Variants in ZMYND8 observed in about 807,000 individuals in gnomAD.
ZMYND8 encodes MYND-type zinc finger-containing chromatin reader ZMYND8.
ZMYND8 carries 37 observed loss-of-function variants against 140.8 expected under a neutral mutation model. The observed-to-expected ratio is 0.26, with a 90% confidence interval of 0.20 to 0.35. The LOEUF (loss-of-function observed/expected upper bound fraction) is 0.35, where lower values mean the gene tolerates loss of function less well. Ranked by LOEUF, ZMYND8 falls within the 10% of genes least tolerant of loss-of-function variation. The pLI is 1.00. For missense variants in ZMYND8, 1,068 were observed against 1,570.0 expected, an observed-to-expected ratio of 0.68 and a Z score of 5.40; for synonymous variants, 592 against 597.1, an observed-to-expected ratio of 0.99 and a Z score of 0.12.
Position 47,347,930 on chromosome 20 carries a change from A to C in ZMYND8, c.15-4T>G, listed in dbSNP as rs530249898. On this transcript the variant is annotated splice_region_variant and splice_polypyrimidine_tract_variant and intron_variant, in intron 1 of 22. Transcript: ENST00000471951. ...TTTTATTTCCTCTTCAGCCAAGCTGAAACAGAGCAAATTATGTTCATGTTT... is the reference window on the plus strand; with the variant it reads ...TTTTATTTCCTCTTCAGCCAAGCTGCAACAGAGCAAATTATGTTCATGTTT... The C allele has an allele frequency of 3.7e-6, 6 of 1,613,734 alleles. No individual in the cohort carries two copies. Among genetic ancestry groups the C allele is most frequent in the Admixed American group, 1.7e-5 (1 of 60,032 alleles).
chr20:47,343,786 C>G (rs2082112291), intron 2 of ZMYND8, among the ~76,000 whole-genome samples: 1 of 150,828 alleles, frequency 6.6e-6, no homozygotes, highest in Non-Finnish European at 1.5e-5. Flanking sequence ...CATGAGCCAC[C>G]ACATCCAGCC....
At chr20:47,262,611 C>T (rs2075237147) in intron 11 of ZMYND8, among the ~76,000 whole-genome samples, 183 bp from the exon 12 acceptor site, 1 of 152,136 alleles carries the variant, frequency 6.6e-6, no homozygotes, top group African/African-American at 2.4e-5. Flanking sequence ...CAGCAAAGGG[C>T]TTTAACCGGA....
chr20:47,246,445 T>C lies in ZMYND8; in HGVS notation c.1847A>G (p.Asp616Gly). 1.2e-6 allele frequency: 2 copies of C among 1,614,002 alleles called. No individual in the cohort carries two copies. The highest frequency in any genetic ancestry group is 1.6e-4 in the Middle Eastern group (1 of 6,062). ...HSDSEDSEKS[D>G]SSDSEYISDD... is the part of the protein sequence containing the mutation. The stretch of plus-strand genomic sequence containing the variant: ...ACTGATATACTCACTATCGCTACTA[T>C]CTGACTTCTCAGAATCCTCCGAATC... The change falls in exon 14 of 23, where the codon GAT becomes GGT. Residue 616 changes from aspartate to glycine, a missense_variant. This residue lies in a region of ZMYND8 where 383 missense variants were observed against 431.2 expected (regional missense o/e 0.89). Coordinates refer to ENST00000471951, the MANE Select transcript of ZMYND8 (RefSeq NM_001281775.3).
At chr20:47,215,378 CTAATAATAA>C (rs150425292) in intron 21 of ZMYND8, among the ~76,000 whole-genome samples, 1 of 151,530 alleles carries the variant, frequency 6.6e-6, no homozygotes, top group Non-Finnish European at 1.5e-5. Flanking sequence ...ATCTCAAATA[CTAATAATAA>C]TAATAATAAA....
intron 5 of ZMYND8, among the ~76,000 whole-genome samples, chr20:47,293,714 CA>C (rs2148005845): frequency 6.6e-6 from 1 of 152,312 alleles, no homozygotes; most frequent in African/African-American, 2.4e-5. Context: ...ACTTTGCAAC[CA>C]GTCAGAATTT....
At chr20:47,325,626 C>A (rs894479674) in intron 2 of ZMYND8, among the ~76,000 whole-genome samples, 3 of 152,168 alleles carry the variant, frequency 2.0e-5, no homozygotes, top group Non-Finnish European at 2.9e-5. Context: ...CCTAAAGAAC[C>A]CATTTCCCCC....
intron 12 of ZMYND8, 88 bp from the exon 13 acceptor site, chr20:47,249,527 A>C (rs1174158180): frequency 5.3e-6 from 8 of 1,519,042 alleles, no homozygotes; most frequent in Non-Finnish European, 6.2e-6. Context: ...AGCAAAACAC[A>C]CATTTTAGAA....
At chr20:47,313,392 G>A (rs750894789) in intron 2 of ZMYND8, among the ~76,000 whole-genome samples, 129 of 152,200 alleles carry the variant, frequency 8.5e-4, no homozygotes, top group Non-Finnish European at 1.7e-3. Flanking sequence ...GGAGGCCAAG[G>A]CGGGCGGATT....
chr20:47,326,966 A>T (rs955526089), intron 2 of ZMYND8, among the ~76,000 whole-genome samples: 1 of 152,168 alleles, frequency 6.6e-6, no homozygotes, highest in African/African-American at 2.4e-5. Context: ...CCTGGTTTGA[A>T]GTGACTGTAC....
At chr20:47,230,015 G>A (rs942414418) in intron 16 of ZMYND8, among the ~76,000 whole-genome samples, 3 of 152,148 alleles carry the variant, frequency 2.0e-5, no homozygotes, top group Non-Finnish European at 2.9e-5. Context: ...TCGAGGCAGG[G>A]ACACTGCTAA....
At chr20:47,215,263 C>T (rs1230356367) in intron 21 of ZMYND8, among the ~76,000 whole-genome samples, 1 of 152,066 alleles carries the variant, frequency 6.6e-6, no homozygotes, top group Non-Finnish European at 1.5e-5. Context: ...ATCTCAGCTG[C>T]TCAGGAGGCT....
Position 47,250,406 on chromosome 20 carries a change from G to A in ZMYND8, c.1622-967C>T, listed in dbSNP as rs148550238. On this transcript the variant is annotated intron_variant, in intron 12 of 22. Coordinates refer to ENST00000471951, the MANE Select transcript of ZMYND8 (RefSeq NM_001281775.3). ...GCATCCCCTCCAACCCACCCAAAGC[G>A]AGTGTGAGGCATCTGTCCTACTCCG... Among the ~76,000 whole-genome samples the A allele has an allele frequency of 4.9e-3, 740 of 152,268 alleles. 4 individuals are homozygous for A. Among genetic ancestry groups the A allele is most frequent in the African/African-American group, 0.017 (690 of 41,534 alleles).
At chr20:47,324,624 C>A (rs2080261063) in intron 2 of ZMYND8, among the ~76,000 whole-genome samples, 1 of 152,144 alleles carries the variant, frequency 6.6e-6, no homozygotes, top group African/African-American at 2.4e-5. Flanking sequence ...CCTGCAGTGC[C>A]CCTGGTGACC....
At chr20:47,314,855 TCAGGGCCTCAC>T (rs1267165669) in intron 2 of ZMYND8, among the ~76,000 whole-genome samples, 1 of 152,172 alleles carries the variant, frequency 6.6e-6, no homozygotes, top group Non-Finnish European at 1.5e-5. Flanking sequence ...TCTCAGGGCC[TCAGGGCCTCAC>T]CTGCAAAATG....
chr20:47,348,171 G>T, intron 1 of ZMYND8: 1 of 516,844 alleles, frequency 1.9e-6, no homozygotes, highest in Non-Finnish European at 3.5e-6. Context: ...CATGCTATTG[G>T]GGAATGCAAA....
intron 1 of ZMYND8, chr20:47,351,648 A>AT: frequency 1.0e-6 from 1 of 984,004 alleles, no homozygotes; most frequent in Non-Finnish European, 1.2e-6. Flanking sequence ...TCTACAATTA[A>AT]TTTTTTAAGA....
chr20:47,224,586 T>C (rs762859490), intron 18 of ZMYND8, 30 bp from the exon 19 acceptor site: 1 of 1,609,396 alleles, frequency 6.2e-7, no homozygotes, highest in Non-Finnish European at 8.5e-7. Flanking sequence ...ACACCGCTCA[T>C]CACCTGACCC....
intron 14 of ZMYND8, among the ~76,000 whole-genome samples, chr20:47,239,456 T>C (rs893300893): frequency 2.6e-4 from 39 of 152,298 alleles, no homozygotes; most frequent in African/African-American, 8.7e-4. Flanking sequence ...CTACACCTAG[T>C]GGACAATGCG....
intron 5 of ZMYND8, among the ~76,000 whole-genome samples, chr20:47,293,618 G>A (rs2077443404): frequency 6.6e-6 from 1 of 152,222 alleles, no homozygotes; most frequent in African/African-American, 2.4e-5. Context: ...ACTGTGTTGT[G>A]CTCAGCTTCC....
Sources: gnomAD v4.1 joint callset for allele counts (sites outside exome capture counted in the v4.1 genomes callset) on GRCh38, gnomAD v4.1.1 for gene constraint, gnomAD v4.1.1 regional missense constraint, MANE v1.5 for transcripts, NCBI Gene and HGNC (gene_info 2026-07-23, HGNC 2026-07-21) for gene names.